MYO1C: variants seen among roughly 807,000 people sequenced by gnomAD.
The protein encoded by MYO1C is unconventional myosin-Ic.
A neutral mutation model predicts 150.8 loss-of-function variants in MYO1C; 104 were observed. The ratio of observed to expected loss-of-function variants is 0.69; its 90% CI spans 0.59 to 0.81. The LOEUF (loss-of-function observed/expected upper bound fraction) is 0.81. Among genes scored for constraint, MYO1C ranks in the 30% least tolerant of loss-of-function variants. The probability of loss-of-function intolerance (pLI) is 0.00; values close to 1 mark genes in which losing one functional copy is unlikely to be tolerated. For missense variants in MYO1C, 1,504 were observed against 1,435.0 expected (o/e 1.05, Z -0.78); for synonymous variants, 663 against 579.9 (o/e 1.14, Z -2.06).
In MYO1C at chr17:1,468,075, A is replaced by G; in HGVS notation, c.2809T>C (p.Ser937Pro). 1 of 1,613,338 alleles carries G rather than the reference A, an allele frequency of 6.2e-7. No homozygotes were observed. Among genetic ancestry groups the G allele is most frequent in the Non-Finnish European group, 8.5e-7 (1 of 1,179,902 alleles). The part of the protein sequence containing the change: ...KYDRKGYKPR[S>P]RQLLLTPNAV... Reference sequence around the variant, plus strand: ...TTGGGCGTGAGCAGCAGCTGCCGGGAGCGAGGCTTGTAGCCCTTGCGGTCG... The same window carrying G: ...TTGGGCGTGAGCAGCAGCTGCCGGGGGCGAGGCTTGTAGCCCTTGCGGTCG... Residue 937 changes from serine to proline, a missense_variant, in exon 28 of 32, where the codon TCC (serine) becomes CCC (proline). Coordinates refer to ENST00000648651, the MANE Select transcript of MYO1C (RefSeq NM_001080779.2).
intron 14 of MYO1C, among the ~76,000 whole-genome samples, chr17:1,476,812 G>A (rs2074410146): frequency 6.6e-6 from 1 of 151,860 alleles, no homozygotes; most frequent in African/African-American, 2.4e-5. Flanking sequence ...CAAGAAGAAG[G>A]AGGAAGCCAG....
At chr17:1,467,653 C>T in intron 29 of MYO1C, 76 bp from the exon 30 acceptor site, 1 of 1,392,860 alleles carries the variant, frequency 7.2e-7, no homozygotes, top group Non-Finnish European at 9.8e-7. Context: ...CCCCATCCAC[C>T]TCCTGACCCC....
rs2074278054 is a variant in MYO1C, at chr17:1,470,472, C to T, written c.2329G>A (p.Ala777Thr). ...WWRGTLGRRK[A>T]AKRKWAAQTI... ...TGTGCCGCCCACTTCCTCTTGGCTG[C>T]CTTCCTCCGGCCCAGTGTTCCACGC... Residue 777 changes from alanine to threonine, a missense_variant, in exon 23 of 32, where the codon GCA becomes ACA. Coordinates refer to ENST00000648651, the MANE Select transcript of MYO1C (RefSeq NM_001080779.2). 3 of 1,550,914 alleles carry T rather than the reference C, an allele frequency of 1.9e-6. No individual in the cohort carries two copies. Among genetic ancestry groups the T allele is most frequent in the Admixed American group, 3.9e-5 (2 of 51,054 alleles).
In MYO1C at chr17:1,472,416, G is replaced by T. The variant is rs2074323610; in HGVS notation, c.1798-188C>A. The T allele has an allele frequency of 5.0e-6, 3 of 603,324 alleles. No individual in the cohort carries two copies. In the African/African-American group the frequency reaches 5.6e-5, roughly 11 times the overall value. 37.4% of individuals were successfully genotyped at this position (603,324 alleles called of 1,614,324 possible). ...CCAGACTCCACCCCTTACCCCTCTG[G>T]CTGGGCGAGAGACCTCAGTCTACGA... On this transcript the variant is annotated intron_variant, in intron 17 of 31. Coordinates refer to ENST00000648651, the MANE Select transcript of MYO1C (RefSeq NM_001080779.2).
intron 3 of MYO1C, 43 bp downstream of exon 3, chr17:1,483,567 T>TG: frequency 6.9e-7 from 1 of 1,443,096 alleles, no homozygotes; most frequent in Non-Finnish European, 9.6e-7. Flanking sequence ...TCACCTCAGA[T>TG]GGAGACAGAG....
chr17:1,474,161 T>C (rs1466827052), intron 17 of MYO1C, among the ~76,000 whole-genome samples: 1 of 151,712 alleles, frequency 6.6e-6, no homozygotes, highest in East Asian at 1.9e-4. Flanking sequence ...GCGTGGTGGC[T>C]CACACCGGTA....
At chr17:1,472,493 T>C in intron 17 of MYO1C, 1 of 513,980 alleles carries the variant, frequency 1.9e-6, no homozygotes. Context: ...ACCTCAGTGC[T>C]ACACCTCCCT....
chr17:1,481,462 C>T (rs140588779), intron 5 of MYO1C, among the ~76,000 whole-genome samples: 7 of 152,262 alleles, frequency 4.6e-5, no homozygotes, highest in Non-Finnish European at 1.0e-4. Flanking sequence ...CCCATCTATT[C>T]GTCTACTCCC....
Position 1,467,524 on chromosome 17 carries a change from G to T in MYO1C, c.3021C>A (p.Ala1007=). ...DHVIETLTKT[A]LSANRVNSIN... ...TGCTGTTCACGCGGTTGGCACTGAG[G>T]GCTGTCTTGGTCAGCGTCTCAATCA... Residue 1007 remains alanine, a synonymous_variant, in exon 30 of 32, where the codon GCC becomes GCA. Coordinates refer to ENST00000648651, the MANE Select transcript of MYO1C (RefSeq NM_001080779.2). 3.7e-6 allele frequency: 6 copies of T among 1,613,532 alleles called. No individual in the cohort carries two copies. Among genetic ancestry groups the T allele is most frequent in the Non-Finnish European group, 4.2e-6 (5 of 1,179,936 alleles).
At chr17:1,477,710 G>A in intron 13 of MYO1C, 114 bp from the exon 14 acceptor site, 1 of 1,023,264 alleles carries the variant, frequency 9.8e-7, no homozygotes, top group Admixed American at 1.8e-5. Flanking sequence ...ATCACAGGGA[G>A]TCTCCACAGA....
chr17:1,478,220 G>A lies in MYO1C; in HGVS notation c.1296-28C>T, dbSNP rs768377047. ...GTAAGGAAGGAGAAGAGCCCACAGT[G>A]GCTCAGTGGGGACACAGGACCAGGA... On this transcript the variant is annotated intron_variant, in intron 11 of 31. Coordinates refer to ENST00000648651, the MANE Select transcript of MYO1C (RefSeq NM_001080779.2). This position sits in a 1 kb window ranked among gnomAD's most constrained non-coding sequence, Gnocchi z 6.3. 15 of 1,604,960 alleles carry A rather than the reference G, an allele frequency of 9.3e-6. No individual in the cohort carries two copies. The highest frequency in any genetic ancestry group is 1.1e-5 in the Non-Finnish European group (13 of 1,172,594).
At chr17:1,469,412 T>G in intron 25 of MYO1C, 119 bp downstream of exon 25, 1 of 994,114 alleles carries the variant, frequency 1.0e-6, no homozygotes, top group Non-Finnish European at 1.5e-6. Flanking sequence ...GTAAATACGG[T>G]AGAACGCGGT....
chr17:1,484,137 A>C lies in MYO1C; in HGVS notation c.231+11T>G. The C allele has an allele frequency of 6.2e-7, 1 of 1,612,296 alleles. No individual in the cohort carries two copies. Among genetic ancestry groups the C allele is most frequent in the Non-Finnish European group, 8.5e-7 (1 of 1,179,946 alleles). On this transcript the variant is annotated intron_variant, in intron 2 of 31. Coordinates refer to ENST00000648651, the MANE Select transcript of MYO1C (RefSeq NM_001080779.2). Reference sequence around the variant, plus strand: ...CCCAGCACCCCTGCCATCTCCCCACAAGGGCCTCACGTAGATGAGATTCTC... The same window carrying C: ...CCCAGCACCCCTGCCATCTCCCCACCAGGGCCTCACGTAGATGAGATTCTC...
chr17:1,470,096 A>G (rs2150935172), intron 24 of MYO1C, 79 bp downstream of exon 24: 1 of 1,449,104 alleles, frequency 6.9e-7, no homozygotes, highest in Non-Finnish European at 9.3e-7. Flanking sequence ...CTCCCTGACC[A>G]ATCCTTTGGC....
intron 1 of MYO1C, chr17:1,491,805 G>A: frequency 3.1e-6 from 1 of 326,930 alleles, no homozygotes; most frequent in Non-Finnish European, 4.4e-6. Flanking sequence ...GGTGCGTGCG[G>A]CCCCCGCCTC....
intron 19 of MYO1C, 122 bp downstream of exon 19, chr17:1,471,785 C>T (rs2074308654): frequency 9.3e-7 from 1 of 1,078,586 alleles, no homozygotes; most frequent in Non-Finnish European, 1.4e-6. Flanking sequence ...CCAAGGGCAG[C>T]CCAGGGCCTC....
chr17:1,491,435 C>T (rs2074729618), intron 1 of MYO1C, among the ~76,000 whole-genome samples: 4 of 134,524 alleles, frequency 3.0e-5, no homozygotes, highest in African/African-American at 1.2e-4. Flanking sequence ...GCCGGCGCCT[C>T]CGGGTCGTGG....
intron 14 of MYO1C, chr17:1,477,269 T>C: frequency 5.8e-6 from 3 of 515,742 alleles, no homozygotes; most frequent in East Asian, 3.4e-5. Context: ...ACCTCAAAAC[T>C]CCAGGGCTCA....
chr17:1,469,248 C>A (rs563931734), intron 25 of MYO1C: 4 of 465,884 alleles, frequency 8.6e-6, no homozygotes, highest in African/African-American at 5.9e-5. Context: ...ATACTATAGA[C>A]GGGGTAAATA....
Sources: gnomAD v4.1 joint callset for allele counts (sites outside exome capture counted in the v4.1 genomes callset) on GRCh38, gnomAD v4.1.1 for gene constraint, Gnocchi (gnomAD v3.1) non-coding constraint, MANE v1.5 for transcripts, NCBI Gene and HGNC (gene_info 2026-07-23, HGNC 2026-07-21) for gene names.